The following CELSR1 variants were observed in gnomAD, a reference collection of about 807,000 sequenced individuals.
CELSR1 encodes cadherin EGF LAG seven-pass G-type receptor 1.
A neutral mutation model predicts 249.1 loss-of-function variants in CELSR1; 110 were observed. The ratio of observed to expected loss-of-function variants is 0.44; its 90% confidence interval spans 0.38 to 0.52. The LOEUF is 0.52. Ranked by LOEUF, CELSR1 falls within the 20% of genes least tolerant of loss-of-function variation. CELSR1 has a pLI of 0.00. For missense variants in CELSR1, 4,109 were observed against 4,296.4 expected, an observed-to-expected ratio of 0.96 and a Z score of 1.22; for synonymous variants, 2,113 against 1,900.0, an observed-to-expected ratio of 1.11 and a Z score of -2.92.
Position 46,517,193 on chromosome 22 carries a change from G to A in CELSR1, c.3544+16434C>T, listed in dbSNP as rs774287497. 6.6e-6 allele frequency among the ~76,000 whole-genome samples: 1 copy of A among 152,246 alleles called. No individual in the cohort carries two copies. The highest frequency in any genetic ancestry group is 1.5e-5 in the Non-Finnish European group (1 of 68,044). ...GCTGCAGAGCATGGAGCTGCCAGGTGCAAGTTTGGCCCCTGAAGGGGCTTG... is the reference window on the plus strand; with the variant it reads ...GCTGCAGAGCATGGAGCTGCCAGGTACAAGTTTGGCCCCTGAAGGGGCTTG... On this transcript the variant is annotated intron_variant, in intron 1 of 34. Transcript: ENST00000674500. This position sits in a 1 kb window ranked among gnomAD's most constrained non-coding sequence, Gnocchi z 5.4.
At chr22:46,477,881 A>C (rs1490116105) in intron 1 of CELSR1, among the ~76,000 whole-genome samples, 1 of 152,068 alleles carries the variant, frequency 6.6e-6, no homozygotes, top group Admixed American at 6.5e-5. Context: ...CCATGGCAGC[A>C]CTGTGGACTC....
At chr22:46,384,427 G>T in intron 20 of CELSR1, 116 bp downstream of exon 20, 1 of 1,254,418 alleles carries the variant, frequency 8.0e-7, no homozygotes, top group Non-Finnish European at 1.1e-6. Context: ...GAGAGCACTC[G>T]GAACACTCTG....
intron 1 of CELSR1, among the ~76,000 whole-genome samples, chr22:46,487,959 T>A: frequency 1.1e-5 from 1 of 90,534 alleles, no homozygotes; most frequent in African/African-American, 4.5e-5. Flanking sequence ...AATGGGGGTA[T>A]ATGGGAGGGG....
At position 46,447,143 on chromosome 22, in the gene CELSR1, G is replaced by A. The variant is rs765395931; in HGVS notation, c.4184-7732C>T. Among the ~76,000 whole-genome samples the A allele has an allele frequency of 3.9e-5, 6 of 152,072 alleles. No homozygotes were observed. Among genetic ancestry groups the A allele is most frequent in the African/African-American group, 4.8e-5 (2 of 41,426 alleles). ...CCCTCAGGGAGAATCCTGAATTGGC[G>A]GCATTTGTAAACACTCCCACCAAGG... On this transcript the variant is annotated intron_variant, in intron 2 of 34. Coordinates refer to ENST00000674500, the MANE Select transcript of CELSR1 (RefSeq NM_001378328.1). This position sits in a 1 kb window ranked among gnomAD's most constrained non-coding sequence, Gnocchi z 4.7.
At chr22:46,392,149 G>GT (rs909229215) in intron 14 of CELSR1, among the ~76,000 whole-genome samples, 3 of 152,206 alleles carry the variant, frequency 2.0e-5, no homozygotes, top group African/African-American at 7.2e-5. Context: ...GCCCTTGGGC[G>GT]TTTTTTTAAA....
intron 1 of CELSR1, among the ~76,000 whole-genome samples, chr22:46,504,251 C>A (rs2080492376): frequency 6.6e-6 from 1 of 152,094 alleles, no homozygotes; most frequent in South Asian, 2.1e-4. Context: ...CAGTGGCTCA[C>A]ACCTATAATC....
At position 46,518,162 on chromosome 22, in the gene CELSR1, G is replaced by A. The variant is rs993849212; in HGVS notation, c.3544+15465C>T. Among the ~76,000 whole-genome samples the A allele has an allele frequency of 2.6e-5, 4 of 152,070 alleles. No individual in the cohort carries two copies. The highest frequency in any genetic ancestry group is 2.1e-4 in the South Asian group (1 of 4,830). Reference sequence around the variant, plus strand: ...TCAGGTGATGTGATCCATCCATCTCGACCTCCCAAAGTGCTGTGATTGCAG... The same window carrying A: ...TCAGGTGATGTGATCCATCCATCTCAACCTCCCAAAGTGCTGTGATTGCAG... On this transcript the variant is annotated intron_variant, in intron 1 of 34. Transcript: ENST00000674500. This position sits in a 1 kb window ranked among gnomAD's most constrained non-coding sequence, Gnocchi z 5.2.
intron 1 of CELSR1, among the ~76,000 whole-genome samples, chr22:46,514,045 A>G (rs1017285535): frequency 6.6e-6 from 1 of 151,696 alleles, no homozygotes; most frequent in Non-Finnish European, 1.5e-5. Context: ...CACCCGCCTC[A>G]CCCTCCCAAA....
At position 46,402,285 on chromosome 22, in the gene CELSR1, C is replaced by T. The variant is rs1355838108; in HGVS notation, c.5227-2383G>A. Among the ~76,000 whole-genome samples, 1 of 151,396 alleles carries T rather than the reference C, an allele frequency of 6.6e-6. No individual in the cohort carries two copies. Among genetic ancestry groups the T allele is most frequent in the Admixed American group, 6.6e-5 (1 of 15,174 alleles). On this transcript the variant is annotated intron_variant, in intron 9 of 34. Transcript: ENST00000674500. The surrounding 1 kb of genome is among the most constrained non-coding windows in gnomAD (Gnocchi z 5.0). ...AGGCTGGAGTGCAATGGCACAATCT[C>T]AGCTCACTGTAAACTCCACCTCCCA... is the stretch of plus-strand genomic sequence containing the variant.
chr22:46,367,417 C>A (rs1393408722), intron 28 of CELSR1, among the ~76,000 whole-genome samples: 1 of 152,232 alleles, frequency 6.6e-6, no homozygotes, highest in Non-Finnish European at 1.5e-5. Context: ...TCTGGGGTCC[C>A]CACTGTGTCG....
At position 46,423,952 on chromosome 22, in the gene CELSR1, T is replaced by G. The variant is rs1407876029; in HGVS notation, c.4611+9441A>C. Among the ~76,000 whole-genome samples, 3 of 151,934 alleles carry G rather than the reference T, an allele frequency of 2.0e-5. No individual in the cohort carries two copies. Among genetic ancestry groups the G allele is most frequent in the African/African-American group, 4.8e-5 (2 of 41,326 alleles). On this transcript the variant is annotated intron_variant, in intron 5 of 34. Coordinates refer to ENST00000674500, the MANE Select transcript of CELSR1 (RefSeq NM_001378328.1). This position sits in a 1 kb window ranked among gnomAD's most constrained non-coding sequence, Gnocchi z 5.6. ...GATTGTGCCAGCCTGGGTGACAGAG[T>G]GAGACTGCATCTCAAAACAAACAAA...
intron 1 of CELSR1, among the ~76,000 whole-genome samples, chr22:46,510,504 A>C (rs984011418): frequency 6.6e-6 from 1 of 152,214 alleles, no homozygotes. Flanking sequence ...CCCTTGGCTC[A>C]GGGAGGGCCC....
chr22:46,535,761 C>T lies in CELSR1; in HGVS notation c.1410G>A (p.Glu470=). ...GCACAGCCGTGTTGAGCCCCACGTC[C>T]TCGGGCACCTGGACCACGTAGTTCT... The part of the protein sequence containing the change: ...SEQNYVVQVP[E]DVGLNTAVLR... The change falls in exon 1 of 35, where the codon GAG becomes GAA. Residue 470 remains glutamate (E), a synonymous_variant. Coordinates refer to ENST00000674500, the MANE Select transcript of CELSR1 (RefSeq NM_001378328.1). 3 of 1,612,550 alleles carry T rather than the reference C, an allele frequency of 1.9e-6. No individual in the cohort carries two copies. Among genetic ancestry groups the T allele is most frequent in the Non-Finnish European group, 2.5e-6 (3 of 1,180,020 alleles).
chr22:46,517,077 G>A lies in CELSR1; in HGVS notation c.3544+16550C>T, dbSNP rs3827411. Among the ~76,000 whole-genome samples, 8,481 of 152,306 alleles carry A rather than the reference G, an allele frequency of 0.056. 452 individuals carry two copies. Among genetic ancestry groups the A allele is most frequent in the East Asian group, 0.13 (681 of 5,174 alleles). ...TCTGGGGGAAGAATCCAGAGGGTCT[G>A]GCTCTGGCCAGGGCAGGTTCTCACC... On this transcript the variant is annotated intron_variant, in intron 1 of 34. Transcript: ENST00000674500. The surrounding 1 kb of genome is among the most constrained non-coding windows in gnomAD (Gnocchi z 5.4).
At chr22:46,505,038 G>A (rs1007312456) in intron 1 of CELSR1, among the ~76,000 whole-genome samples, 11 of 151,780 alleles carry the variant, frequency 7.2e-5, no homozygotes, top group East Asian at 1.9e-4. Context: ...CGAGGCGGGC[G>A]GATCATGAGG....
rs949517485 is a variant in CELSR1, at chr22:46,441,796, A to G, written c.4184-2385T>C. On this transcript the variant is annotated intron_variant, in intron 2 of 34. Transcript: ENST00000674500. The surrounding 1 kb of genome is among the most constrained non-coding windows in gnomAD (Gnocchi z 6.1). The stretch of plus-strand genomic sequence containing the variant: ...GAGGGCACCATTCTGTCCAGAGCAG[A>G]TATGTATGAGACAACTGGCAATTTT... 5.3e-5 allele frequency among the ~76,000 whole-genome samples: 8 copies of G among 152,352 alleles called. No homozygotes were observed. Among genetic ancestry groups the G allele is most frequent in the East Asian group, 3.9e-4 (2 of 5,186 alleles).
Position 46,528,613 on chromosome 22 carries a change from C to T in CELSR1, c.3544+5014G>A, listed in dbSNP as rs532130201. 3.2e-3 allele frequency among the ~76,000 whole-genome samples: 481 copies of T among 152,308 alleles called. 1 individual carries two copies. Among genetic ancestry groups the T allele is most frequent in the African/African-American group, 0.011 (457 of 41,562 alleles). On this transcript the variant is annotated intron_variant, in intron 1 of 34. Transcript: ENST00000674500. Reference sequence around the variant, plus strand: ...AGAAAAGAAATGTGGTACATATATACCATGGTGTACTATTCCACTATAAAA... The same window carrying T: ...AGAAAAGAAATGTGGTACATATATATCATGGTGTACTATTCCACTATAAAA...
chr22:46,401,220 A>C lies in CELSR1; in HGVS notation c.5227-1318T>G, dbSNP rs898361233. Among the ~76,000 whole-genome samples the C allele has an allele frequency of 3.3e-5, 5 of 152,218 alleles. No individual in the cohort carries two copies. The highest frequency in any genetic ancestry group is 4.8e-5 in the African/African-American group (2 of 41,452). On this transcript the variant is annotated intron_variant, in intron 9 of 34. Transcript: ENST00000674500. This position sits in a 1 kb window ranked among gnomAD's most constrained non-coding sequence, Gnocchi z 4.7. ...GTGTTTAATTACATGTATGAAAAAA[A>C]CAAAAATCAGCATTGCAACTGGCCT...
intron 5 of CELSR1, among the ~76,000 whole-genome samples, chr22:46,431,330 G>C (rs1013211354): frequency 3.3e-5 from 5 of 152,238 alleles, no homozygotes; most frequent in Non-Finnish European, 7.3e-5. Flanking sequence ...GAGTCCCTCT[G>C]CAACTGCAGA....
Sources: allele counts gnomAD v4.1 joint callset (sites outside exome capture counted in the v4.1 genomes callset), GRCh38; gene constraint gnomAD v4.1.1; non-coding constraint Gnocchi (gnomAD v3.1); transcripts MANE v1.5; gene names NCBI Gene and HGNC (gene_info 2026-07-23, HGNC 2026-07-21).